ANKRD31: variants seen among roughly 807,000 people sequenced by gnomAD.
ANKRD31 encodes ankyrin repeat domain 31, also known as ankyrin repeat domain-containing protein 31.
A neutral mutation model predicts 186.0 loss-of-function variants in ANKRD31; 147 were observed. That is an observed-to-expected ratio of 0.79 (90% CI 0.69 to 0.91). ANKRD31 has a LOEUF of 0.91. Among genes scored for constraint, ANKRD31 ranks in the 40% least tolerant of loss-of-function variants. The pLI is 0.00. For synonymous variants in ANKRD31, 673 were observed against 736.4 expected (o/e 0.91, Z 1.39); for missense variants, 1,986 against 2,148.8 (o/e 0.92, Z 1.50).
At chr5:75,232,195 A>G (rs1757992886) in intron 1 of ANKRD31, among the ~76,000 whole-genome samples, 1 of 152,186 alleles carries the variant, frequency 6.6e-6, no homozygotes, top group South Asian at 2.1e-4. Flanking sequence ...GTTCCTCCAA[A>G]AAGTAAAATT....
intron 10 of ANKRD31, among the ~76,000 whole-genome samples, chr5:75,180,787 A>T (rs550723220): frequency 1.3e-5 from 2 of 152,298 alleles, no homozygotes; most frequent in East Asian, 3.9e-4. Context: ...ACCCTAGAAG[A>T]AAACCTAGGC....
At chr5:75,133,087 G>C (rs1456611060) in intron 17 of ANKRD31, among the ~76,000 whole-genome samples, 1 of 152,128 alleles carries the variant, frequency 6.6e-6, no homozygotes, top group African/African-American at 2.4e-5. Flanking sequence ...GTCGATGCTA[G>C]GAAGAAACTG....
intron 5 of ANKRD31, among the ~76,000 whole-genome samples, chr5:75,206,032 T>C (rs1580553988): frequency 6.6e-6 from 1 of 151,380 alleles, no homozygotes; most frequent in East Asian, 1.9e-4. Flanking sequence ...CTCCCATAGG[T>C]AATTCTATGA....
intron 3 of ANKRD31, among the ~76,000 whole-genome samples, chr5:75,212,728 TA>T (rs1470420716): frequency 6.6e-6 from 1 of 152,234 alleles, no homozygotes; most frequent in African/African-American, 2.4e-5. Context: ...GCTTCCATTT[TA>T]AGAGTTCACA....
chr5:75,148,474 T>A, intron 13 of ANKRD31, 102 bp downstream of exon 13: 1 of 780,866 alleles, frequency 1.3e-6, no homozygotes, highest in Non-Finnish European at 1.9e-6. Flanking sequence ...GTGAAGTCAT[T>A]ATTACTAAAG....
At chr5:75,235,578 T>C (rs1758217982) in intron 1 of ANKRD31, among the ~76,000 whole-genome samples, 1 of 152,176 alleles carries the variant, frequency 6.6e-6, no homozygotes, top group Non-Finnish European at 1.5e-5. Flanking sequence ...AAATGACCCC[T>C]GCATGCCAGA....
chr5:75,123,564 A>C (rs1326482335), intron 17 of ANKRD31, among the ~76,000 whole-genome samples: 3 of 152,164 alleles, frequency 2.0e-5, no homozygotes, highest in Non-Finnish European at 4.4e-5. Context: ...TAATAATCAA[A>C]AAGCATGGTA....
In ANKRD31 at chr5:75,071,793, C is replaced by T. The variant is rs111639171; in HGVS notation, c.5648-3129G>A. Among the ~76,000 whole-genome samples, 317 of 152,152 alleles carry T rather than the reference C, an allele frequency of 2.1e-3. 1 individual carries two copies. Among genetic ancestry groups the T allele is most frequent in the African/African-American group, 5.8e-3 (242 of 41,530 alleles). On this transcript the variant is annotated intron_variant, in intron 25 of 25. Transcript: ENST00000506364. ...GATTACAGGTATGAGCCACCGCGCC[C>T]GGCCGAAAAACTGTTCTTAATAAAG...
chr5:75,078,216 C>A (rs1744816335), intron 25 of ANKRD31, among the ~76,000 whole-genome samples: 1 of 152,136 alleles, frequency 6.6e-6, no homozygotes, highest in South Asian at 2.1e-4. Context: ...AGGTACCCAT[C>A]TTTGGGTGTT....
intron 22 of ANKRD31, among the ~76,000 whole-genome samples, chr5:75,092,387 T>G (rs1431525787): frequency 6.6e-6 from 1 of 152,176 alleles, no homozygotes; most frequent in East Asian, 1.9e-4. Context: ...GGAGCCCACC[T>G]TTGCTTGGAT....
chr5:75,123,134 T>C (rs1265401839), intron 17 of ANKRD31, among the ~76,000 whole-genome samples: 2 of 152,078 alleles, frequency 1.3e-5, no homozygotes, highest in Admixed American at 1.3e-4. Context: ...AAAATGAGTG[T>C]CATTTCTATA....
intron 1 of ANKRD31, among the ~76,000 whole-genome samples, chr5:75,233,866 G>A (rs1458112335): frequency 6.6e-6 from 1 of 152,002 alleles, no homozygotes; most frequent in Non-Finnish European, 1.5e-5. Flanking sequence ...GCCGTGAGCT[G>A]AGATCATGCT....
At chr5:75,116,807 C>T in intron 18 of ANKRD31, 126 bp from the exon 19 acceptor site, 1 of 457,760 alleles carries the variant, frequency 2.2e-6, no homozygotes, top group Non-Finnish European at 3.5e-6. Flanking sequence ...TCTTAACCAA[C>T]ACTCATCATC....
At chr5:75,225,470 T>C (rs1757574410) in intron 2 of ANKRD31, 1 of 178,020 alleles carries the variant, frequency 5.6e-6, no homozygotes, top group African/African-American at 2.4e-5. Flanking sequence ...TTGAAAATAG[T>C]AGGCAGGATG....
chr5:75,201,736 C>T (rs1404414491), intron 5 of ANKRD31, among the ~76,000 whole-genome samples: 1 of 152,116 alleles, frequency 6.6e-6, no homozygotes, highest in African/African-American at 2.4e-5. Context: ...TCACACACGC[C>T]TCATTACACC....
intron 25 of ANKRD31, among the ~76,000 whole-genome samples, chr5:75,078,983 T>C (rs954076455): frequency 6.6e-6 from 1 of 152,240 alleles, no homozygotes; most frequent in Non-Finnish European, 1.5e-5. Context: ...TTTTCATCAA[T>C]ATTTCATCAA....
intron 24 of ANKRD31, 97 bp downstream of exon 24, chr5:75,084,175 C>T: frequency 1.1e-6 from 1 of 870,678 alleles, no homozygotes; most frequent in Non-Finnish European, 1.8e-6. Flanking sequence ...GTTAATTTCA[C>T]ATCAATGAGA....
chr5:75,123,025 CG>C (rs1312020302), intron 17 of ANKRD31, among the ~76,000 whole-genome samples: 5 of 151,906 alleles, frequency 3.3e-5, no homozygotes, highest in Non-Finnish European at 7.4e-5. Flanking sequence ...ATAATATGCT[CG>C]TAAACCTAGA....
intron 4 of ANKRD31, among the ~76,000 whole-genome samples, chr5:75,210,615 T>C (rs1212489384): frequency 1.3e-5 from 2 of 152,214 alleles, no homozygotes; most frequent in East Asian, 3.8e-4. Flanking sequence ...GCTTTTAAAA[T>C]AATAGAGAAC....
Sources: gnomAD v4.1 joint callset for allele counts (sites outside exome capture counted in the v4.1 genomes callset) on GRCh38, gnomAD v4.1.1 for gene constraint, MANE v1.5 for transcripts, NCBI Gene and HGNC (gene_info 2026-07-23, HGNC 2026-07-21) for gene names.